ALPK1: variants seen among roughly 807,000 people sequenced by gnomAD.
ALPK1 encodes the protein alpha-protein kinase 1.
Under a neutral mutation model 120.6 loss-of-function variants are expected in ALPK1, and 110 were observed. The observed-to-expected ratio is 0.91, with a 90% CI of 0.78 to 1.07. The LOEUF is 1.07. ALPK1 is among the 50% of genes least tolerant of loss of function. The pLI, the probability that ALPK1 is intolerant of heterozygous loss-of-function variation, is 0.00. For synonymous variants in ALPK1, 582 were observed against 560.3 expected (o/e 1.04, Z -0.55); for missense variants, 1,498 against 1,483.9 (o/e 1.01, Z -0.16).
At position 112,411,909 on chromosome 4, in the gene ALPK1, G is replaced by A. The variant is rs745752579; in HGVS notation, c.359G>A (p.Gly120Glu). The change falls in exon 5 of 16, where the codon GGG becomes GAG. Residue 120 changes from glycine (G) to glutamate (E), a missense_variant. Gly to Glu is a moderately conservative substitution (Grantham distance 98). Transcript: ENST00000650871. ...IVFLVDRFLY[G>E]LDVSGKLLQV... ...TTCTTGGTGGACCGGTTCCTGTATG[G>A]GCTCGACGTCTCTGGAAAACTTCTG... The A allele has an allele frequency of 2.5e-6, 4 of 1,613,964 alleles. No individual in the cohort carries two copies. The highest frequency in any genetic ancestry group is 4.5e-5 in the East Asian group (2 of 44,880).
At chr4:112,396,590 T>C (rs774598085) in intron 4 of ALPK1, among the ~76,000 whole-genome samples, 35 of 152,206 alleles carry the variant, frequency 2.3e-4, no homozygotes, top group Non-Finnish European at 4.3e-4. Context: ...TTCTCATTAA[T>C]AAATTTAAAT....
At chr4:112,338,591 C>G (rs1343656256) in intron 2 of ALPK1, among the ~76,000 whole-genome samples, 1 of 152,112 alleles carries the variant, frequency 6.6e-6, no homozygotes, top group Non-Finnish European at 1.5e-5. Flanking sequence ...CAAAGTGGTG[C>G]AGGCATAGAA....
intron 2 of ALPK1, among the ~76,000 whole-genome samples, chr4:112,376,305 A>G (rs1263793371): frequency 6.6e-6 from 1 of 152,184 alleles, no homozygotes; most frequent in Non-Finnish European, 1.5e-5. Flanking sequence ...TGTGTTCTTC[A>G]TCAACAAATA....
At chr4:112,390,429 AT>A (rs2148734180) in intron 4 of ALPK1, among the ~76,000 whole-genome samples, 1 of 152,200 alleles carries the variant, frequency 6.6e-6, no homozygotes, top group Non-Finnish European at 1.5e-5. Context: ...TGCAGTTTAC[AT>A]TTGTTTGTGG....
At chr4:112,434,423 A>G (rs1734704629) in intron 11 of ALPK1, among the ~76,000 whole-genome samples, 1 of 152,136 alleles carries the variant, frequency 6.6e-6, no homozygotes, top group African/African-American at 2.4e-5. Flanking sequence ...TCATTTATCT[A>G]TTTTCACAAT....
chr4:112,434,077 A>C (rs1451589901), intron 11 of ALPK1, among the ~76,000 whole-genome samples: 1 of 152,262 alleles, frequency 6.6e-6, no homozygotes, highest in Non-Finnish European at 1.5e-5. Context: ...GGGTTTTCTT[A>C]CTAACTGTGA....
intron 1 of ALPK1, among the ~76,000 whole-genome samples, chr4:112,310,544 T>C (rs1204302174): frequency 6.6e-6 from 1 of 152,124 alleles, no homozygotes; most frequent in African/African-American, 2.4e-5. Context: ...AACAAGACTT[T>C]ACTATCTATT....
At chr4:112,389,978 C>T (rs115215848) in intron 4 of ALPK1, among the ~76,000 whole-genome samples, 3,926 of 152,332 alleles carry the variant, frequency 0.026, 81 homozygotes, top group Middle Eastern at 0.041. Flanking sequence ...GCAGCTATAT[C>T]TCACCTGGGC....
intron 2 of ALPK1, among the ~76,000 whole-genome samples, chr4:112,364,327 A>G (rs1731045562): frequency 6.6e-6 from 1 of 151,930 alleles, no homozygotes; most frequent in South Asian, 2.1e-4. Context: ...GAGTTAACCA[A>G]TAAAAGAAGA....
At chr4:112,376,162 C>T (rs1247451087) in intron 2 of ALPK1, among the ~76,000 whole-genome samples, 2 of 152,150 alleles carry the variant, frequency 1.3e-5, no homozygotes, top group Non-Finnish European at 2.9e-5. Flanking sequence ...AAATTTGAAA[C>T]ATTCCAAGAA....
chr4:112,374,666 A>G (rs1415387418), intron 2 of ALPK1, among the ~76,000 whole-genome samples: 1 of 152,208 alleles, frequency 6.6e-6, no homozygotes, highest in Non-Finnish European at 1.5e-5. Flanking sequence ...CTAAGACTTA[A>G]AAGTTGAAAT....
chr4:112,306,391 G>T (rs1728058405), intron 1 of ALPK1, among the ~76,000 whole-genome samples: 1 of 151,968 alleles, frequency 6.6e-6, no homozygotes, highest in Non-Finnish European at 1.5e-5. Flanking sequence ...GACTCTTTTT[G>T]GTTGGTAAGC....
chr4:112,384,396 C>G (rs1732059743), intron 4 of ALPK1: 1 of 152,232 alleles, frequency 6.6e-6, no homozygotes, highest in African/African-American at 2.4e-5. Context: ...AGATGGCTCT[C>G]AAGCACTTGA....
chr4:112,413,133 G>A (rs1389036521), intron 5 of ALPK1, among the ~76,000 whole-genome samples: 2 of 152,164 alleles, frequency 1.3e-5, no homozygotes, highest in African/African-American at 4.8e-5. Context: ...ATAATGTGTG[G>A]GATATGAAAG....
At chr4:112,321,651 C>A (rs1380908437) in intron 2 of ALPK1, among the ~76,000 whole-genome samples, 1 of 152,144 alleles carries the variant, frequency 6.6e-6, no homozygotes, top group Non-Finnish European at 1.5e-5. Flanking sequence ...TATTTGCATA[C>A]AACTATAATT....
rs144270731 is a variant in ALPK1 at position 112,402,572 on chromosome 4, C to T, written c.277-9255C>T. ...TGTGCCTTAAACACAATTAGAACCC[C>T]GTTATTTCCCATCCTGAAAACAGAT... On this transcript the variant is annotated intron_variant, in intron 4 of 15. Transcript: ENST00000650871. 7.4e-3 allele frequency among the ~76,000 whole-genome samples: 1,128 copies of T among 152,210 alleles called. 17 individuals carry two copies. The highest frequency in any genetic ancestry group is 0.026 in the African/African-American group (1,064 of 41,516).
rs1432962004 is a variant in ALPK1, at chr4:112,441,938, C to T, written c.*728C>T. The T allele has an allele frequency of 2.0e-5, 3 of 152,246 alleles. No individual in the cohort carries two copies. The highest frequency in any genetic ancestry group is 2.0e-4 in the Admixed American group (3 of 15,272). The allele number at this position is 152,246 out of a possible 1,614,324, so 9.4% of individuals were successfully genotyped here. A position where few individuals can be genotyped will look rare whatever the true frequency, so the allele number is the denominator to read the frequency against. On this transcript the variant is annotated 3_prime_UTR_variant, in exon 16 of 16. Transcript: ENST00000650871. ...CTATGTGTATTAATCCACTCTCACA[C>T]TGCTATGAAGAGATACCTGAGACTG...
chr4:112,358,582 C>A, intron 2 of ALPK1: 2 of 716,940 alleles, frequency 2.8e-6, no homozygotes, highest in South Asian at 1.5e-5. Context: ...GGCAGAGGCC[C>A]TGGGGGCTGC....
chr4:112,375,467 T>A (rs1402738775), intron 2 of ALPK1, among the ~76,000 whole-genome samples: 3 of 152,252 alleles, frequency 2.0e-5, no homozygotes, highest in African/African-American at 7.2e-5. Context: ...CTGCTTCATC[T>A]TGCACTTTTA....
Sources: gnomAD v4.1 joint callset for allele counts (sites outside exome capture counted in the v4.1 genomes callset) on GRCh38, gnomAD v4.1.1 for gene constraint, MANE v1.5 for transcripts, NCBI Gene and HGNC (gene_info 2026-07-23, HGNC 2026-07-21) for gene names.